TMEM43: variants seen among roughly 807,000 people sequenced by gnomAD.
TMEM43 encodes arrhythmogenic right ventricular dysplasia 5.
Under a neutral mutation model 49.6 loss-of-function variants are expected in TMEM43, and 45 were observed. That is an observed-to-expected ratio of 0.91 (90% confidence interval 0.71 to 1.16). TMEM43 has a LOEUF of 1.16. Among genes scored for constraint, TMEM43 ranks in the 50% most tolerant of loss-of-function variants. The pLI is 0.00. For synonymous variants in TMEM43, 199 were observed against 207.8 expected (o/e 0.96, Z 0.36); for missense variants, 532 against 516.6 (o/e 1.03, Z -0.29).
Position 14,142,335 on chromosome 3 carries a change from C to T in TMEM43, c.*540C>T, listed in dbSNP as rs1695261159. 1 of 166,310 alleles carries T rather than the reference C, an allele frequency of 6.0e-6. No individual in the cohort carries two copies. The highest frequency in any genetic ancestry group is 1.5e-4 in the South Asian group (1 of 6,614). The allele number at this position is 166,310 out of a possible 1,614,324, so 10.3% of individuals were successfully genotyped here. A position where few individuals can be genotyped will look rare whatever the true frequency, so the allele number is the denominator to read the frequency against. ...AAGCAGGCACACCCAAAACACAAGTCTGTGGCTAGAACCTGATGTGGTGTT... is the reference window on the plus strand; with the variant it reads ...AAGCAGGCACACCCAAAACACAAGTTTGTGGCTAGAACCTGATGTGGTGTT... On this transcript the variant is annotated 3_prime_UTR_variant, in exon 12 of 12. Coordinates refer to ENST00000306077, the MANE Select transcript of TMEM43 (RefSeq NM_024334.3).
chr3:14,125,077 G>A lies in TMEM43; in HGVS notation c.-117G>A. ...GCAGTAAGTCCCGCTTGGCCCTGGA[G>A]TCCACGCGGATTTTCGAAGCTGGGG... On this transcript the variant is annotated 5_prime_UTR_variant, in exon 1 of 12. Coordinates refer to ENST00000306077, the MANE Select transcript of TMEM43 (RefSeq NM_024334.3). 1 of 1,368,614 alleles carries A rather than the reference G, an allele frequency of 7.3e-7. No individual in the cohort carries two copies. The highest frequency in any genetic ancestry group is 1.0e-6 in the Non-Finnish European group (1 of 981,756). The allele number at this position is 1,368,614 out of a possible 1,614,324, so 84.8% of individuals were successfully genotyped here.
chr3:14,139,318 C>G, intron 11 of TMEM43, 21 bp downstream of exon 11: 2 of 1,543,094 alleles, frequency 1.3e-6, no homozygotes, highest in Admixed American at 1.7e-5. Context: ...GGGTGGGTCA[C>G]TGCCCTCCCT....
intron 11 of TMEM43, 22 bp from the exon 12 acceptor site, chr3:14,141,571 A>G (rs1695246200): frequency 3.1e-6 from 5 of 1,602,758 alleles, no homozygotes; most frequent in Non-Finnish European, 4.3e-6. Flanking sequence ...GTGGCACCTC[A>G]TCACCTTTCT....
rs2124998724 is a variant in TMEM43, at chr3:14,142,967, C to G, written c.*1172C>G. On this transcript the variant is annotated 3_prime_UTR_variant, in exon 12 of 12. Coordinates refer to ENST00000306077, the MANE Select transcript of TMEM43 (RefSeq NM_024334.3). The stretch of plus-strand genomic sequence containing the variant: ...TGAGGCTGGTTGTACAATGCCCACG[C>G]CTGCCTGGCTGCTTTCACCTGGGAG... 1 of 152,342 alleles carries G rather than the reference C, an allele frequency of 6.6e-6. No individual in the cohort carries two copies. Among genetic ancestry groups the G allele is most frequent in the East Asian group, 1.9e-4 (1 of 5,192 alleles). The allele number at this position is 152,342 out of a possible 1,614,324, so 9.4% of individuals were successfully genotyped here. A position where few individuals can be genotyped will look rare whatever the true frequency, so the allele number is the denominator to read the frequency against.
At chr3:14,133,601 A>G in intron 6 of TMEM43, 138 bp from the exon 7 acceptor site, 1 of 818,414 alleles carries the variant, frequency 1.2e-6, no homozygotes, top group South Asian at 1.3e-5. Flanking sequence ...TGGACAGGAC[A>G]AGATGTCTGC....
At chr3:14,134,998 A>C in intron 8 of TMEM43, 107 bp downstream of exon 8, 1 of 1,564,458 alleles carries the variant, frequency 6.4e-7, no homozygotes, top group Non-Finnish European at 8.8e-7. Context: ...GCACTTGGCC[A>C]AGTGCAGCTG....
chr3:14,143,661 TAATA>T lies in TMEM43; in HGVS notation c.*1870_*1873del, dbSNP rs1456320142. On this transcript the variant is annotated 3_prime_UTR_variant, in exon 12 of 12. Coordinates refer to ENST00000306077, the MANE Select transcript of TMEM43 (RefSeq NM_024334.3). ...ATTGTATTTTTTATTAAAAGTTTTG[TAATA>T]AATTTCTAAATTATCTTCTGGTGTG... The T allele has an allele frequency of 2.0e-5, 3 of 152,126 alleles. No homozygotes were observed. Among genetic ancestry groups the T allele is most frequent in the African/African-American group, 7.2e-5 (3 of 41,426 alleles). 9.4% of individuals were successfully genotyped at this position (152,126 alleles called of 1,614,324 possible).
chr3:14,142,773 G>A lies in TMEM43; in HGVS notation c.*978G>A, dbSNP rs1304943189. On this transcript the variant is annotated 3_prime_UTR_variant, in exon 12 of 12. Coordinates refer to ENST00000306077, the MANE Select transcript of TMEM43 (RefSeq NM_024334.3). ...AGGATTTGTTTTCACTCTGGGAGGAGAGGGTGGAGAAAGCACTTGCTTTCA... is the reference window on the plus strand; with the variant it reads ...AGGATTTGTTTTCACTCTGGGAGGAAAGGGTGGAGAAAGCACTTGCTTTCA... 6.5e-6 allele frequency: 1 copy of A among 152,682 alleles called. No individual in the cohort carries two copies. The highest frequency in any genetic ancestry group is 2.4e-5 in the African/African-American group (1 of 41,476). The allele number at this position is 152,682 out of a possible 1,614,324, so 9.5% of individuals were successfully genotyped here.
chr3:14,135,331 T>C, intron 9 of TMEM43, 99 bp downstream of exon 9: 4 of 1,013,408 alleles, frequency 3.9e-6, no homozygotes, highest in South Asian at 1.3e-5. Context: ...GACCCCCTTT[T>C]CCCTGGGGAA....
At chr3:14,136,000 C>A in intron 10 of TMEM43, 92 bp downstream of exon 10, 1 of 1,094,800 alleles carries the variant, frequency 9.1e-7, no homozygotes, top group South Asian at 1.2e-5. Context: ...TACCAGGGGT[C>A]ATAGCCAGTG....
In TMEM43 at chr3:14,130,271, G is replaced by A. The variant is rs766406252; in HGVS notation, c.163-551G>A. Among the ~76,000 whole-genome samples, 11 of 151,988 alleles carry A rather than the reference G, an allele frequency of 7.2e-5. 1 individual carries two copies. Among genetic ancestry groups the A allele is most frequent in the Non-Finnish European group, 1.5e-4 (10 of 68,020 alleles). On this transcript the variant is annotated intron_variant, in intron 2 of 11. Coordinates refer to ENST00000306077, the MANE Select transcript of TMEM43 (RefSeq NM_024334.3). ...TGTCCAGGGCGCACTCACATGTTCTGACTGGCAAGGTCTGGGTCCCATAAT... is the reference window on the plus strand; with the variant it reads ...TGTCCAGGGCGCACTCACATGTTCTAACTGGCAAGGTCTGGGTCCCATAAT...
Position 14,135,230 on chromosome 3 carries a change from G to A in TMEM43, c.778G>A (p.Val260Met), listed in dbSNP as rs758872772. The A allele has an allele frequency of 6.2e-6, 10 of 1,611,704 alleles. No homozygotes were observed. In the East Asian group the frequency reaches 6.7e-5, roughly 11 times the overall value. Residue 260 changes from valine to methionine, a missense_variant and splice_region_variant, in exon 9 of 12, where the codon GTG becomes ATG. Coordinates refer to ENST00000306077, the MANE Select transcript of TMEM43 (RefSeq NM_024334.3). ...GDDPDLGPAHVVTVIARQRGD... is the reference protein window; with the variant it reads ...GDDPDLGPAHMVTVIARQRGD... ...TGACCCTGACCTGGGCCCAGCTCACGTGGTAACCTGGCTTCCCAGGGGCAG... is the reference window on the plus strand; with the variant it reads ...TGACCCTGACCTGGGCCCAGCTCACATGGTAACCTGGCTTCCCAGGGGCAG...
chr3:14,139,165 C>G lies in TMEM43; in HGVS notation c.883-15C>G, dbSNP rs727504984. 1.3e-6 allele frequency: 2 copies of G among 1,597,552 alleles called. No individual in the cohort carries two copies. The highest frequency in any genetic ancestry group is 3.3e-5 in the Admixed American group (2 of 59,994). ...GGCCCTCAGCATCCTGACCTGCCCC[C>G]ACCTTGTCCTGCAGGAGGTGTTTCA... On this transcript the variant is annotated splice_polypyrimidine_tract_variant and intron_variant, in intron 10 of 11. Coordinates refer to ENST00000306077, the MANE Select transcript of TMEM43 (RefSeq NM_024334.3).
chr3:14,128,833 ACAG>A, intron 1 of TMEM43: 1 of 406,122 alleles, frequency 2.5e-6, no homozygotes, highest in Non-Finnish European at 4.9e-6. Context: ...ATGAATATTC[ACAG>A]CAGCATTATT....
chr3:14,125,312 G>C, intron 1 of TMEM43, 107 bp downstream of exon 1: 1 of 1,377,486 alleles, frequency 7.3e-7, no homozygotes, highest in African/African-American at 1.4e-5. Flanking sequence ...TCCTCCGTGC[G>C]GCTAGGCCCG....
chr3:14,138,874 C>T (rs1272257895), intron 10 of TMEM43, among the ~76,000 whole-genome samples: 1 of 152,212 alleles, frequency 6.6e-6, no homozygotes, highest in African/African-American at 2.4e-5. Flanking sequence ...ATCCTCCAAC[C>T]TGCTCAGGGG....
intron 11 of TMEM43, 85 bp downstream of exon 11, chr3:14,139,382 C>T: frequency 2.1e-6 from 2 of 971,144 alleles, no homozygotes; most frequent in Non-Finnish European, 3.3e-6. Flanking sequence ...GCCCTTCCAG[C>T]CTGATGGGAT....
In TMEM43 at chr3:14,130,911, TGAAG is replaced by T; in HGVS notation, c.258_261del (p.Arg87TrpfsTer26). On this transcript the variant is annotated frameshift_variant, in exon 3 of 12. Transcript: ENST00000306077. LOFTEE classifies it high-confidence loss of function. Reference sequence around the variant, plus strand: ...GCATCCACAGTGTGGCTCCGGAGAATGAAGGAAGGCTGGTGCACATCATTGGCGC... The same window carrying T: ...GCATCCACAGTGTGGCTCCGGAGAATGAAGGCTGGTGCACATCATTGGCGC... 2 of 1,613,432 alleles carry T rather than the reference TGAAG, an allele frequency of 1.2e-6. No individual in the cohort carries two copies. The highest frequency in any genetic ancestry group is 1.3e-5 in the African/African-American group (1 of 74,980).
At chr3:14,125,452 T>G (rs1695005814) in intron 1 of TMEM43, among the ~76,000 whole-genome samples, 1 of 152,208 alleles carries the variant, frequency 6.6e-6, no homozygotes, top group African/African-American at 2.4e-5. Context: ...GGAGGCGGAC[T>G]CGGAGGTGTT....
Sources: gnomAD v4.1 joint callset for allele counts (sites outside exome capture counted in the v4.1 genomes callset) on GRCh38, gnomAD v4.1.1 for gene constraint, MANE v1.5 for transcripts, NCBI Gene and HGNC (gene_info 2026-07-23, HGNC 2026-07-21) for gene names.